Variants in QTMAN observed in about 807,000 individuals in gnomAD.
QTMAN encodes tRNA-queuosine alpha-mannosyltransferase.
the QTMAN span, chr2:144,142,103 G>A: frequency 7.1e-7 from 1 of 1,402,818 alleles, no homozygotes; most frequent in Admixed American, 1.8e-5. Flanking sequence ...GACTCATTCA[G>A]AGTAATTTTT....
At chr2:144,029,920 G>T in the QTMAN span, among the ~76,000 whole-genome samples, 1 of 152,138 alleles carries the variant, frequency 6.6e-6, no homozygotes, top group Non-Finnish European at 1.5e-5. Flanking sequence ...GAGTGTGAGT[G>T]TGTGTGTACC....
chr2:143,956,334 T>C, the QTMAN span, among the ~76,000 whole-genome samples: 1 of 152,136 alleles, frequency 6.6e-6, no homozygotes, highest in East Asian at 1.9e-4. Flanking sequence ...CAAATGGCTT[T>C]GACTCAATGA....
chr2:144,281,684 T>C, the QTMAN span, among the ~76,000 whole-genome samples: 3 of 152,064 alleles, frequency 2.0e-5, no homozygotes, highest in African/African-American at 7.2e-5. Context: ...AGTGTCCTTA[T>C]AAGAGGAAAT....
chr2:144,278,372 T>C, the QTMAN span, among the ~76,000 whole-genome samples: 1 of 152,102 alleles, frequency 6.6e-6, no homozygotes, highest in African/African-American at 2.4e-5. Context: ...GGAAGAATAC[T>C]CAACATATAT....
the QTMAN span, chr2:144,208,557 G>A: frequency 1.3e-6 from 2 of 1,514,844 alleles, no homozygotes; most frequent in African/African-American, 1.4e-5. Flanking sequence ...CCTCATAACA[G>A]GTACTTTTTA....
At chr2:144,004,233 G>A in the QTMAN span, among the ~76,000 whole-genome samples, 1 of 151,996 alleles carries the variant, frequency 6.6e-6, no homozygotes, top group South Asian at 2.1e-4. Context: ...GTACAAGGAT[G>A]GGGGAGGCTC....
the QTMAN span, among the ~76,000 whole-genome samples, chr2:144,000,017 A>C: frequency 6.6e-6 from 1 of 152,080 alleles, no homozygotes; most frequent in African/African-American, 2.4e-5. Flanking sequence ...TGTTGAATCT[A>C]TATTTATTTT....
chr2:144,310,524 G>A, the QTMAN span, among the ~76,000 whole-genome samples: 2 of 152,214 alleles, frequency 1.3e-5, no homozygotes. Flanking sequence ...CTGGGTTTCA[G>A]GTTGTGAGAA....
chr2:144,103,498 T>A, the QTMAN span, among the ~76,000 whole-genome samples: 1 of 152,210 alleles, frequency 6.6e-6, no homozygotes, highest in Non-Finnish European at 1.5e-5. Flanking sequence ...AGACCAACTC[T>A]ATTTACATAA....
chr2:144,288,703 T>C, the QTMAN span, among the ~76,000 whole-genome samples: 22 of 152,284 alleles, frequency 1.4e-4, no homozygotes, highest in Non-Finnish European at 3.1e-4. Context: ...TGAATGAGAA[T>C]ATCCCTGGAA....
the QTMAN span, among the ~76,000 whole-genome samples, chr2:144,313,516 T>C: frequency 6.6e-6 from 1 of 152,146 alleles, no homozygotes; most frequent in South Asian, 2.1e-4. Flanking sequence ...ACTAAACATA[T>C]CAAGGAAAAA....
At chr2:144,144,138 T>G in the QTMAN span, among the ~76,000 whole-genome samples, 48 of 151,948 alleles carry the variant, frequency 3.2e-4, no homozygotes, top group Non-Finnish European at 5.2e-4. Context: ...TTTTATAGTC[T>G]CATTCCCTAT....
the QTMAN span, among the ~76,000 whole-genome samples, chr2:144,067,554 G>A: frequency 6.6e-6 from 1 of 152,204 alleles, no homozygotes; most frequent in East Asian, 1.9e-4. Context: ...GAGGTGACTA[G>A]TAGAAAAAGG....
At chr2:144,006,996 T>A in the QTMAN span, 1 of 449,382 alleles carries the variant, frequency 2.2e-6, no homozygotes, top group Non-Finnish European at 3.9e-6. Flanking sequence ...AAATTTAATC[T>A]AAGCACATGA....
chr2:144,073,863 T>C, the QTMAN span, among the ~76,000 whole-genome samples: 8 of 152,224 alleles, frequency 5.3e-5, no homozygotes, highest in Admixed American at 5.2e-4. Context: ...ATTAAACTCA[T>C]GGACTCCGCA....
chr2:144,122,599 C>T, the QTMAN span, among the ~76,000 whole-genome samples: 1 of 152,080 alleles, frequency 6.6e-6, no homozygotes, highest in Non-Finnish European at 1.5e-5. Flanking sequence ...ATCTGGTCAT[C>T]CTATTTCAAT....
the QTMAN span, among the ~76,000 whole-genome samples, chr2:144,179,659 A>G: frequency 6.6e-6 from 1 of 152,188 alleles, no homozygotes; most frequent in East Asian, 1.9e-4. Context: ...AGTAGTCCTG[A>G]TGCAAACAGA....
At chr2:144,140,387 T>G in the QTMAN span, among the ~76,000 whole-genome samples, 3 of 152,000 alleles carry the variant, frequency 2.0e-5, no homozygotes, top group Non-Finnish European at 4.4e-5. Flanking sequence ...TCTACTCACT[T>G]AGAGATATAC....
the QTMAN span, among the ~76,000 whole-genome samples, chr2:144,315,515 A>G: frequency 2.8e-4 from 43 of 152,350 alleles, no homozygotes; most frequent in African/African-American, 1.0e-3. Context: ...ATTAAAGGTC[A>G]CTTGTTCCTT....
Sources: allele counts gnomAD v4.1 joint callset (sites outside exome capture counted in the v4.1 genomes callset), GRCh38; gene constraint gnomAD v4.1.1; transcripts MANE v1.5; gene names NCBI Gene and HGNC (gene_info 2026-07-23, HGNC 2026-07-21).